The following DGLUCY variants were observed in gnomAD, a reference collection of about 807,000 sequenced individuals.
The protein encoded by DGLUCY is D-glutamate cyclase, also known as D-glutamate cyclase, mitochondrial.
In DGLUCY, 58 loss-of-function variants were observed where a neutral mutation model predicts 58.5. The observed-to-expected ratio is 0.99, with a 90% CI of 0.80 to 1.23. DGLUCY has a LOEUF of 1.23. Among genes scored for constraint, DGLUCY ranks in the 50% most tolerant of loss-of-function variants. The probability of loss-of-function intolerance (pLI) is 0.00; values close to 1 mark genes in which losing one functional copy is unlikely to be tolerated. For synonymous variants in DGLUCY, 325 were observed against 314.1 expected (o/e 1.03, Z -0.37); for missense variants, 779 against 784.7 (o/e 0.99, Z 0.09).
intron 1 of DGLUCY, among the ~76,000 whole-genome samples, chr14:91,069,510 C>G (rs2055632228): frequency 6.6e-6 from 1 of 152,122 alleles, no homozygotes; most frequent in Non-Finnish European, 1.5e-5. Context: ...GAACTCCTGA[C>G]CTCAGGTGAT....
chr14:91,197,114 G>A (rs2050267465), intron 10 of DGLUCY, among the ~76,000 whole-genome samples: 1 of 152,018 alleles, frequency 6.6e-6, no homozygotes, highest in Non-Finnish European at 1.5e-5. Flanking sequence ...TTACAGGCAC[G>A]CACCATCACA....
chr14:91,093,243 T>C (rs1489534509), intron 1 of DGLUCY, among the ~76,000 whole-genome samples: 1 of 152,190 alleles, frequency 6.6e-6, no homozygotes, highest in Non-Finnish European at 1.5e-5. Flanking sequence ...TAGGTGCTTT[T>C]GGTCGCTTTA....
At chr14:91,161,281 A>G (rs2047966281) in intron 3 of DGLUCY, among the ~76,000 whole-genome samples, 1 of 152,210 alleles carries the variant, frequency 6.6e-6, no homozygotes, top group Admixed American at 6.5e-5. Context: ...CGTGTTAGCC[A>G]GGATGGTCTC....
intron 8 of DGLUCY, 56 bp downstream of exon 8, chr14:91,181,445 A>C: frequency 6.5e-7 from 1 of 1,533,666 alleles, no homozygotes; most frequent in Admixed American, 1.8e-5. Context: ...ACACATTTGC[A>C]CCTGGAGAAA....
chr14:91,193,240 C>T (rs550884339), intron 9 of DGLUCY, among the ~76,000 whole-genome samples: 116 of 152,260 alleles, frequency 7.6e-4, no homozygotes, highest in African/African-American at 2.6e-3. Flanking sequence ...CTGCCGACGG[C>T]GTAGAGCACC....
At chr14:91,122,462 A>T (rs2045426806) in intron 1 of DGLUCY, among the ~76,000 whole-genome samples, 1 of 151,970 alleles carries the variant, frequency 6.6e-6, no homozygotes, top group Non-Finnish European at 1.5e-5. Context: ...AAAGAAAAAA[A>T]GAAAGATTTT....
upstream of DGLUCY, among the ~76,000 whole-genome samples, chr14:91,112,616 T>C (rs1352520322): frequency 6.6e-6 from 1 of 151,894 alleles, no homozygotes; most frequent in Non-Finnish European, 1.5e-5. Flanking sequence ...CACTCACTCA[T>C]TCCAACATTA....
At chr14:91,209,998 A>G (rs545781097) in intron 12 of DGLUCY, among the ~76,000 whole-genome samples, 1 of 152,106 alleles carries the variant, frequency 6.6e-6, no homozygotes, top group Non-Finnish European at 1.5e-5. Context: ...AAGACATAAT[A>G]CGCCAGGCAC....
intron 7 of DGLUCY, among the ~76,000 whole-genome samples, chr14:91,179,307 A>C (rs1329907493): frequency 1.3e-5 from 2 of 152,204 alleles, no homozygotes. Flanking sequence ...GGTTCAGGCC[A>C]GGCTCTGTGG....
intron 8 of DGLUCY, 50 bp downstream of exon 8, chr14:91,181,439 A>G (rs1325756332): frequency 4.5e-6 from 7 of 1,547,316 alleles, no homozygotes; most frequent in Middle Eastern, 3.8e-4. Flanking sequence ...GAAACAACAC[A>G]TTTGCACCTG....
chr14:91,188,521 C>G (rs922510433), intron 8 of DGLUCY, among the ~76,000 whole-genome samples: 2 of 152,206 alleles, frequency 1.3e-5, no homozygotes, highest in African/African-American at 4.8e-5. Context: ...TGTAAAGTTT[C>G]TACTTTAAAA....
chr14:91,120,479 A>G (rs1308030779), intron 1 of DGLUCY, among the ~76,000 whole-genome samples: 2 of 152,096 alleles, frequency 1.3e-5, no homozygotes, highest in African/African-American at 4.8e-5. Flanking sequence ...ATCTCAGCTC[A>G]CTGCAACCTG....
At chr14:91,162,210 G>T (rs531745361) in intron 3 of DGLUCY, among the ~76,000 whole-genome samples, 29 of 152,248 alleles carry the variant, frequency 1.9e-4, no homozygotes, top group Middle Eastern at 3.4e-3. Context: ...CCAAACAGCT[G>T]GGAAACTCCA....
intron 11 of DGLUCY, among the ~76,000 whole-genome samples, chr14:91,201,677 C>G (rs1049507471): frequency 2.0e-5 from 3 of 152,090 alleles, no homozygotes; most frequent in African/African-American, 7.2e-5. Context: ...CTCCTGAGCT[C>G]AAGCTATCTT....
At chr14:91,060,561 CAA>C (rs917350517) in exon 1 of DGLUCY, 2 of 1,152,218 alleles carry the variant, frequency 1.7e-6, no homozygotes, top group African/African-American at 3.2e-5. Flanking sequence ...AACTCGGACG[CAA>C]AGACGAGTCT....
chr14:91,191,482 C>CT (rs2049889119), intron 9 of DGLUCY, among the ~76,000 whole-genome samples: 1 of 152,166 alleles, frequency 6.6e-6, no homozygotes, highest in Non-Finnish European at 1.5e-5. Flanking sequence ...AGTTCCCTGT[C>CT]TTTTGGAGAC....
chr14:91,177,719 C>A (rs764315324), intron 7 of DGLUCY, among the ~76,000 whole-genome samples: 7 of 152,248 alleles, frequency 4.6e-5, no homozygotes, highest in Admixed American at 1.3e-4. Context: ...CGTGAGAGTT[C>A]AGCTATCAGA....
In DGLUCY at chr14:91,121,475, A is replaced by G. The variant is rs534813706; in HGVS notation, c.-82+7192A>G. ...AGGCCGAGGTGGGTGGATCACCTGAAATCAGGAGTTCGAGACCAGCCTGGC... is the reference window on the plus strand; with the variant it reads ...AGGCCGAGGTGGGTGGATCACCTGAGATCAGGAGTTCGAGACCAGCCTGGC... On this transcript the variant is annotated intron_variant, in intron 1 of 13. Coordinates refer to ENST00000256324, the MANE Select transcript of DGLUCY (RefSeq NM_001102368.3). Among the ~76,000 whole-genome samples, 5 of 152,132 alleles carry G rather than the reference A, an allele frequency of 3.3e-5. No homozygotes were observed. The East Asian group carries it at 9.7e-4, about 29-fold the overall frequency.
intron 3 of DGLUCY, among the ~76,000 whole-genome samples, chr14:91,163,213 T>C (rs939651621): frequency 6.6e-6 from 1 of 151,914 alleles, no homozygotes; most frequent in African/African-American, 2.4e-5. Flanking sequence ...TGAGCCAAGA[T>C]TGCGCCACTG....
Sources: allele counts gnomAD v4.1 joint callset (sites outside exome capture counted in the v4.1 genomes callset), GRCh38; gene constraint gnomAD v4.1.1; transcripts MANE v1.5; gene names NCBI Gene and HGNC (gene_info 2026-07-23, HGNC 2026-07-21).